OR1J2: variants seen among roughly 807,000 people sequenced by gnomAD.
OR1J2 encodes the protein olfactory receptor 1J2.
For synonymous variants in OR1J2, 142 were observed against 99.7 expected (o/e 1.42, Z -2.52); for missense variants, 304 against 246.1 (o/e 1.24, Z -1.57).
the OR1J2 span, among the ~76,000 whole-genome samples, chr9:122,504,163 G>T: frequency 5.9e-5 from 9 of 152,176 alleles, no homozygotes; most frequent in Non-Finnish European, 1.3e-4. Flanking sequence ...AACTTTTTGT[G>T]CCTGACAATT....
chr9:122,472,675 A>C, the OR1J2 span, among the ~76,000 whole-genome samples: 1 of 152,242 alleles, frequency 6.6e-6, no homozygotes, highest in Non-Finnish European at 1.5e-5. Context: ...CTCTGGTAGA[A>C]CAATCTTTCC....
At chr9:122,516,669 C>T (rs892475112), downstream of OR1J2, among the ~76,000 whole-genome samples, 2 of 152,030 alleles carry the variant, frequency 1.3e-5, no homozygotes, top group Non-Finnish European at 2.9e-5. Context: ...ATTCAGGGGG[C>T]TTTATCAAAA....
At chr9:122,457,068 G>A in the OR1J2 span, among the ~76,000 whole-genome samples, 3 of 152,176 alleles carry the variant, frequency 2.0e-5, no homozygotes, top group Non-Finnish European at 2.9e-5. Flanking sequence ...CATGTCCTTT[G>A]CAGGGACATG....
At chr9:122,458,945 A>C in the OR1J2 span, among the ~76,000 whole-genome samples, 133,465 of 151,988 alleles carry the variant, frequency 0.88, 58,709 homozygotes, top group Middle Eastern at 0.91. Flanking sequence ...TCTTATTTCT[A>C]ACCATGCTTT....
chr9:122,532,975 C>T, the OR1J2 span, among the ~76,000 whole-genome samples: 1,113 of 151,778 alleles, frequency 7.3e-3, 13 homozygotes, highest in African/African-American at 0.026. Context: ...TTGGGCTTGA[C>T]TGAAGTAAAG....
At chr9:122,527,089 T>A in the OR1J2 span, 1 of 1,614,172 alleles carries the variant, frequency 6.2e-7, no homozygotes, top group Non-Finnish European at 8.5e-7. Flanking sequence ...GTTAAACCCA[T>A]GTCAACAAAA....
chr9:122,492,594 G>A, the OR1J2 span, among the ~76,000 whole-genome samples: 142 of 152,256 alleles, frequency 9.3e-4, 1 homozygote, highest in African/African-American at 3.3e-3. Context: ...CACAGTGTCT[G>A]AACTAATTAA....
the OR1J2 span, among the ~76,000 whole-genome samples, chr9:122,481,117 AGT>A: frequency 1.3e-5 from 2 of 152,046 alleles, no homozygotes; most frequent in South Asian, 4.1e-4. Context: ...AAAAGGCCCT[AGT>A]GTGAGTTATT....
At chr9:122,534,400 T>C in the OR1J2 span, among the ~76,000 whole-genome samples, 4 of 151,978 alleles carry the variant, frequency 2.6e-5, no homozygotes, top group Admixed American at 2.6e-4. Context: ...ACCAAACGAG[T>C]CATGAACTGG....
the OR1J2 span, among the ~76,000 whole-genome samples, chr9:122,485,057 G>A: frequency 6.6e-6 from 1 of 151,966 alleles, no homozygotes; most frequent in Admixed American, 6.6e-5. Context: ...GTGTGCAGAA[G>A]CCCCACCATC....
chr9:122,504,681 T>C, the OR1J2 span, among the ~76,000 whole-genome samples: 2 of 152,160 alleles, frequency 1.3e-5, no homozygotes, highest in East Asian at 1.9e-4. Context: ...CGTCAGACTT[T>C]AGTCCAAGGT....
chr9:122,473,342 A>G, the OR1J2 span, among the ~76,000 whole-genome samples: 2 of 152,184 alleles, frequency 1.3e-5, no homozygotes, highest in East Asian at 1.9e-4. Context: ...ACTCAAAACA[A>G]TGATCTCCTA....
chr9:122,564,921 A>C, the OR1J2 span, among the ~76,000 whole-genome samples: 1 of 152,162 alleles, frequency 6.6e-6, no homozygotes, highest in Non-Finnish European at 1.5e-5. Context: ...AAGATGCCAC[A>C]CTGGTCCATT....
the OR1J2 span, among the ~76,000 whole-genome samples, chr9:122,569,822 C>G: frequency 3.3e-5 from 5 of 151,962 alleles, no homozygotes; most frequent in Non-Finnish European, 5.9e-5. Context: ...AAAGCTATCC[C>G]TCCCCCCTGC....
chr9:122,503,869 A>G, the OR1J2 span, among the ~76,000 whole-genome samples: 3 of 152,220 alleles, frequency 2.0e-5, no homozygotes, highest in Non-Finnish European at 4.4e-5. Flanking sequence ...AGTTGTTTAG[A>G]GCCACCCTGA....
At chr9:122,478,205 C>G in the OR1J2 span, among the ~76,000 whole-genome samples, 1 of 152,162 alleles carries the variant, frequency 6.6e-6, no homozygotes, top group Non-Finnish European at 1.5e-5. Context: ...GTTCCAATAG[C>G]TGATGTATTG....
At chr9:122,477,663 C>G in the OR1J2 span, 1 of 1,614,208 alleles carries the variant, frequency 6.2e-7, no homozygotes, top group Admixed American at 1.7e-5. Context: ...CGGCTAGGTG[C>G]TGAGTCTGCA....
the OR1J2 span, among the ~76,000 whole-genome samples, chr9:122,464,189 T>C: frequency 1.3e-5 from 2 of 152,240 alleles, no homozygotes; most frequent in East Asian, 3.9e-4. Context: ...TGGTTGCTTC[T>C]GCTGTGTCAC....
chr9:122,501,008 T>G, the OR1J2 span, among the ~76,000 whole-genome samples: 1 of 152,188 alleles, frequency 6.6e-6, no homozygotes, highest in Non-Finnish European at 1.5e-5. Flanking sequence ...ACATAATTTT[T>G]GAAAGAACAC....
Sources: gnomAD v4.1 joint callset for allele counts (sites outside exome capture counted in the v4.1 genomes callset) on GRCh38, gnomAD v4.1.1 for gene constraint, MANE v1.5 for transcripts, NCBI Gene and HGNC (gene_info 2026-07-23, HGNC 2026-07-21) for gene names.